ZNF496: variants seen among roughly 807,000 people sequenced by gnomAD.
ZNF496 encodes NSD1 (nuclear receptor binding SET-domain containing 1)-interacting zinc finger protein 1.
ZNF496 carries 11 observed loss-of-function variants against 58.9 expected under a neutral mutation model. The observed-to-expected ratio is 0.19, with a 90% CI of 0.12 to 0.31. ZNF496 has a LOEUF of 0.31. Ranked by LOEUF, ZNF496 falls within the 10% of genes least tolerant of loss-of-function variation. ZNF496 has a pLI of 1.00. For missense variants in ZNF496, 660 were observed against 783.0 expected (o/e 0.84, Z 1.88); for synonymous variants, 338 against 318.2 (o/e 1.06, Z -0.66).
intron 9 of ZNF496, among the ~76,000 whole-genome samples, chr1:247,305,230 G>A (rs151097606): frequency 2.6e-5 from 4 of 152,214 alleles, no homozygotes; most frequent in East Asian, 1.9e-4. Context: ...AGCCAAGATC[G>A]CGCCACTGTT....
chr1:247,322,853 C>G, intron 6 of ZNF496: 1 of 1,209,448 alleles, frequency 8.3e-7, no homozygotes, highest in Non-Finnish European at 1.1e-6. Context: ...AAGAGGGGAA[C>G]TTAGACATGC....
chr1:247,324,391 T>C lies in ZNF496; in HGVS notation c.575-1161A>G, dbSNP rs759541655. ...GAGAGGAGTAAACTCAGGAGTCCTA[T>C]TGCACAACATGGTGACTATAGGCAG... On this transcript the variant is annotated intron_variant, in intron 5 of 9. Transcript: ENST00000682384. Among the ~76,000 whole-genome samples, 106 of 152,320 alleles carry C rather than the reference T, an allele frequency of 7.0e-4. 1 individual carries two copies. The highest frequency in any genetic ancestry group is 1.0e-3 in the Admixed American group (16 of 15,292).
intron 7 of ZNF496, 153 bp downstream of exon 7, chr1:247,310,171 A>T: frequency 2.0e-6 from 3 of 1,464,624 alleles, no homozygotes; most frequent in Non-Finnish European, 2.7e-6. Context: ...CGCTGTGTGC[A>T]AATGACCTCC....
In ZNF496 at chr1:247,299,303, A is replaced by T. The variant is rs953421178; in HGVS notation, c.*1216T>A. ...AACAAAGGGAGGTTTGGAGACAGAC[A>T]CGCACACAGCAAGAGTGCCATGTGG... On this transcript the variant is annotated 3_prime_UTR_variant, in exon 10 of 10. Transcript: ENST00000682384. 1 of 152,276 alleles carries T rather than the reference A, an allele frequency of 6.6e-6. No individual in the cohort carries two copies. The highest frequency in any genetic ancestry group is 6.5e-5 in the Admixed American group (1 of 15,290). 9.4% of individuals were successfully genotyped at this position (152,276 alleles called of 1,614,324 possible). A position where few individuals can be genotyped will look rare whatever the true frequency, so the allele number is the denominator to read the frequency against.
intron 5 of ZNF496, among the ~76,000 whole-genome samples, chr1:247,325,494 CTCATA>C (rs1388601237): frequency 3.3e-5 from 5 of 152,056 alleles, no homozygotes; most frequent in African/African-American, 1.2e-4. Context: ...AAATCTATAC[CTCATA>C]TATTTTTGTG....
chr1:247,325,658 GA>G (rs996619633), intron 5 of ZNF496, among the ~76,000 whole-genome samples: 1 of 152,046 alleles, frequency 6.6e-6, no homozygotes, highest in African/African-American at 2.4e-5. Context: ...ATGTCTCCCA[GA>G]GGGGGTGTTT....
chr1:247,310,088 T>C (rs1207216488), intron 7 of ZNF496: 1 of 1,429,524 alleles, frequency 7.0e-7, no homozygotes, highest in Non-Finnish European at 9.1e-7. Flanking sequence ...CAGCACATGT[T>C]CTATTTGGTT....
In ZNF496 at chr1:247,309,691, T is replaced by C. The variant is rs781665950; in HGVS notation, c.892+8A>G. 2 of 1,614,032 alleles carry C rather than the reference T, an allele frequency of 1.2e-6. No individual in the cohort carries two copies. The highest frequency in any genetic ancestry group is 1.7e-6 in the Non-Finnish European group (2 of 1,180,006). On this transcript the variant is annotated splice_region_variant and intron_variant, in intron 8 of 9. Coordinates refer to ENST00000682384, the MANE Select transcript of ZNF496 (RefSeq NM_032752.3). The surrounding 1 kb of genome is among the most constrained non-coding windows in gnomAD (Gnocchi z 4.3). ...CTCTGTCCACTCAGTTCTGGAATCA[T>C]TACTCACCCAAGTAGGAGACCTGGG...
chr1:247,322,958 G>A (rs555454685), intron 6 of ZNF496, among the ~76,000 whole-genome samples, 196 bp downstream of exon 6: 1 of 152,302 alleles, frequency 6.6e-6, no homozygotes, highest in Non-Finnish European at 1.5e-5. Flanking sequence ...TAGACCCAGT[G>A]GGCGGCTGGG....
At chr1:247,321,855 T>C (rs985643233) in intron 6 of ZNF496, among the ~76,000 whole-genome samples, 2 of 152,240 alleles carry the variant, frequency 1.3e-5, no homozygotes, top group Non-Finnish European at 2.9e-5. Context: ...GATGCTGACA[T>C]GTATGTGTTG....
At chr1:247,317,880 C>T (rs1013166536) in intron 6 of ZNF496, among the ~76,000 whole-genome samples, 2 of 152,152 alleles carry the variant, frequency 1.3e-5, no homozygotes, top group African/African-American at 4.8e-5. Context: ...AAGATAACCA[C>T]CAACAGATGC....
intron 6 of ZNF496, among the ~76,000 whole-genome samples, chr1:247,321,059 C>T (rs1659947305): frequency 6.6e-6 from 1 of 152,024 alleles, no homozygotes; most frequent in Non-Finnish European, 1.5e-5. Flanking sequence ...GCCTGTAATC[C>T]CAGCTACTCG....
chr1:247,301,334 T>C (rs1194588817), intron 9 of ZNF496, 58 bp from the exon 10 acceptor site: 2 of 1,475,914 alleles, frequency 1.4e-6, no homozygotes, highest in Non-Finnish European at 1.8e-6. Context: ...CCAGCCCCTA[T>C]GACCGCGGCG....
At chr1:247,330,645 G>A (rs1660291554) in intron 2 of ZNF496, among the ~76,000 whole-genome samples, 1 of 152,220 alleles carries the variant, frequency 6.6e-6, no homozygotes. Flanking sequence ...TTAGAACGCT[G>A]GGCCCGTGAA....
rs1337371029 is a variant in ZNF496 at position 247,309,918 on chromosome 1, CA to C, written c.785-113del. 2.2e-6 allele frequency: 3 copies of C among 1,391,958 alleles called. No individual in the cohort carries two copies. The highest frequency in any genetic ancestry group is 2.9e-6 in the Non-Finnish European group (3 of 1,029,400). 86.2% of individuals were successfully genotyped at this position (1,391,958 alleles called of 1,614,324 possible). A position where few individuals can be genotyped will look rare whatever the true frequency, so the allele number is the denominator to read the frequency against. ...GGATGCCCAGCGGGCATGGCACCAT[CA>C]GGGGCGAGAAGTGAAAAGGCCAGAG... On this transcript the variant is annotated intron_variant, in intron 7 of 9. Transcript: ENST00000682384. The surrounding 1 kb of genome is among the most constrained non-coding windows in gnomAD (Gnocchi z 4.3).
intron 6 of ZNF496, among the ~76,000 whole-genome samples, chr1:247,314,875 T>C (rs1360291662): frequency 6.6e-6 from 1 of 152,112 alleles, no homozygotes; most frequent in South Asian, 2.1e-4. Flanking sequence ...GCCCCCTAAG[T>C]AGCTGGGACT....
intron 5 of ZNF496, among the ~76,000 whole-genome samples, chr1:247,326,894 A>C (rs1197536389): frequency 6.6e-6 from 1 of 152,134 alleles, no homozygotes; most frequent in Non-Finnish European, 1.5e-5. Context: ...CCTGCTCTGC[A>C]AACTTCTCTT....
intron 5 of ZNF496, among the ~76,000 whole-genome samples, chr1:247,324,079 GAAAA>G (rs61548661): frequency 1.1e-5 from 1 of 88,252 alleles, no homozygotes; most frequent in East Asian, 2.8e-4. Flanking sequence ...TGTCTCAAAT[GAAAA>G]AAAAAAAAAA....
At chr1:247,318,284 C>G (rs1453707005) in intron 6 of ZNF496, among the ~76,000 whole-genome samples, 1 of 152,100 alleles carries the variant, frequency 6.6e-6, no homozygotes, top group Non-Finnish European at 1.5e-5. Context: ...CCTTAGCAGT[C>G]TGGAGAGGAG....
Sources: allele counts gnomAD v4.1 joint callset (sites outside exome capture counted in the v4.1 genomes callset), GRCh38; gene constraint gnomAD v4.1.1; non-coding constraint Gnocchi (gnomAD v3.1); transcripts MANE v1.5; gene names NCBI Gene and HGNC (gene_info 2026-07-23, HGNC 2026-07-21).